NIPBL: variants seen among roughly 807,000 people sequenced by gnomAD.
NIPBL encodes nipped-B-like protein.
A neutral mutation model predicts 321.8 loss-of-function variants in NIPBL; 19 were observed. The observed-to-expected ratio is 0.06, with a 90% CI of 0.04 to 0.09. The LOEUF (loss-of-function observed/expected upper bound fraction) is 0.09. NIPBL is among the 10% of genes least tolerant of loss of function. NIPBL has a pLI of 1.00. For missense variants in NIPBL, 2,210 were observed against 3,327.0 expected (o/e 0.66, Z 8.26); for synonymous variants, 1,106 against 1,114.1 (o/e 0.99, Z 0.14).
chr5:37,061,726 A>G (rs1006139587), intron 45 of NIPBL, among the ~76,000 whole-genome samples: 11 of 152,204 alleles, frequency 7.2e-5, no homozygotes, highest in Non-Finnish European at 1.6e-4. Flanking sequence ...ACCTACATAC[A>G]TCCTCCCATA....
intron 1 of NIPBL, among the ~76,000 whole-genome samples, chr5:36,921,305 T>C (rs1026993727): frequency 2.6e-5 from 4 of 152,148 alleles, no homozygotes; most frequent in African/African-American, 9.7e-5. Context: ...TATGATGAAA[T>C]CTTAAAACTA....
intron 9 of NIPBL, among the ~76,000 whole-genome samples, chr5:36,984,280 C>A (rs1284934229): frequency 6.6e-6 from 1 of 151,734 alleles, no homozygotes; most frequent in Non-Finnish European, 1.5e-5. Flanking sequence ...TTAAAAGTAA[C>A]CTGAGTGAGA....
chr5:37,045,447 C>G lies in NIPBL; in HGVS notation c.6348C>G (p.Ala2116=), dbSNP rs1752876181. ...AATATTACTTATCTTTATTAGGTGC[C>G]ATTTCAAAATTAAAAAGTCAACACC... The part of the protein sequence containing the change: ...VWACFNRYYG[A]ISKLKSQHQE... Residue 2116 remains alanine (A), a synonymous_variant, in exon 37 of 47, where the codon GCC becomes GCG. Coordinates refer to ENST00000282516, the MANE Select transcript of NIPBL (RefSeq NM_133433.4). 1 of 1,603,786 alleles carries G rather than the reference C, an allele frequency of 6.2e-7. No homozygotes were observed. Among genetic ancestry groups the G allele is most frequent in the South Asian group, 1.1e-5 (1 of 90,526 alleles).
At chr5:36,898,019 C>T (rs370518436) in intron 1 of NIPBL, among the ~76,000 whole-genome samples, 7 of 151,398 alleles carry the variant, frequency 4.6e-5, no homozygotes, top group Non-Finnish European at 1.0e-4. Context: ...GAAAAAATAA[C>T]AGATTACAGT....
chr5:37,059,304 C>G lies in NIPBL; in HGVS notation c.7685+139C>G. Reference sequence around the variant, plus strand: ...GGCAGATCCCCTGAGGTCAGGAGTTCGAGACCAGCCTGGCCAACATGGTGA... The same window carrying G: ...GGCAGATCCCCTGAGGTCAGGAGTTGGAGACCAGCCTGGCCAACATGGTGA... On this transcript the variant is annotated intron_variant, in intron 44 of 46. Coordinates refer to ENST00000282516, the MANE Select transcript of NIPBL (RefSeq NM_133433.4). 5 of 817,942 alleles carry G rather than the reference C, an allele frequency of 6.1e-6. No individual in the cohort carries two copies. In the South Asian group the frequency reaches 7.8e-5, roughly 13 times the overall value. 50.7% of individuals were successfully genotyped at this position (817,942 alleles called of 1,614,324 possible). A position where few individuals can be genotyped will look rare whatever the true frequency, so the allele number is the denominator to read the frequency against.
Position 36,876,885 on chromosome 5 carries a change from G to A in NIPBL, c.-373G>A. 3 of 158,948 alleles carry A rather than the reference G, an allele frequency of 1.9e-5. No individual in the cohort carries two copies. Among genetic ancestry groups the A allele is most frequent in the East Asian group, 2.7e-4 (2 of 7,404 alleles). The allele number at this position is 158,948 out of a possible 1,614,324, so 9.8% of individuals were successfully genotyped here. A position where few individuals can be genotyped will look rare whatever the true frequency, so the allele number is the denominator to read the frequency against. Reference sequence around the variant, plus strand: ...ACTCACCCGACACCACCAAGCCGCAGGGAGGGACGCCCCCGCCGACAGGAG... The same window carrying A: ...ACTCACCCGACACCACCAAGCCGCAAGGAGGGACGCCCCCGCCGACAGGAG... On this transcript the variant is annotated 5_prime_UTR_variant, in exon 1 of 47. Transcript: ENST00000282516.
chr5:36,891,015 C>CA (rs1746289833), intron 1 of NIPBL, among the ~76,000 whole-genome samples: 1 of 152,134 alleles, frequency 6.6e-6, no homozygotes, highest in Admixed American at 6.5e-5. Context: ...CTTGTAATCC[C>CA]AGCACTTTGG....
rs769154623 is a variant in NIPBL at position 36,976,415 on chromosome 5, C to T, written c.1495+13C>T. Reference sequence around the variant, plus strand: ...GTTCAAGATAAAGGTAAAATAATCTCATTATTACCACTTCATCATCTGGGC... The same window carrying T: ...GTTCAAGATAAAGGTAAAATAATCTTATTATTACCACTTCATCATCTGGGC... On this transcript the variant is annotated intron_variant, in intron 9 of 46. Transcript: ENST00000282516. 1 of 1,600,866 alleles carries T rather than the reference C, an allele frequency of 6.2e-7. No individual in the cohort carries two copies. The highest frequency in any genetic ancestry group is 8.5e-7 in the Non-Finnish European group (1 of 1,179,276).
At chr5:36,920,581 C>T (rs1352781742) in intron 1 of NIPBL, among the ~76,000 whole-genome samples, 3 of 152,052 alleles carry the variant, frequency 2.0e-5, no homozygotes, top group African/African-American at 7.2e-5. Flanking sequence ...ATCAGACTTC[C>T]ACTTTCTGTT....
intron 32 of NIPBL, among the ~76,000 whole-genome samples, chr5:37,030,381 A>C (rs1002990298): frequency 6.6e-6 from 1 of 151,732 alleles, no homozygotes; most frequent in East Asian, 1.9e-4. Context: ...GCAAACTCAT[A>C]TATATATATA....
At chr5:36,944,751 A>G (rs1441184252) in intron 1 of NIPBL, among the ~76,000 whole-genome samples, 1 of 152,062 alleles carries the variant, frequency 6.6e-6, no homozygotes, top group Admixed American at 6.5e-5. Context: ...AAAAAAAACC[A>G]AAGCTGAATT....
intron 4 of NIPBL, 50 bp from the exon 5 acceptor site, chr5:36,961,434 A>G: frequency 9.5e-7 from 1 of 1,048,218 alleles, no homozygotes; most frequent in South Asian, 1.3e-5. Flanking sequence ...TTTAAAGGAC[A>G]CTTTACTGTT....
At chr5:36,964,373 A>G (rs1741975516) in intron 6 of NIPBL, among the ~76,000 whole-genome samples, 1 of 152,152 alleles carries the variant, frequency 6.6e-6, no homozygotes, top group Admixed American at 6.6e-5. Flanking sequence ...TAGTAACCAA[A>G]TCAGCTTGAT....
chr5:37,034,136 G>A (rs1165064018), intron 32 of NIPBL, among the ~76,000 whole-genome samples: 1 of 152,050 alleles, frequency 6.6e-6, no homozygotes, highest in Non-Finnish European at 1.5e-5. Context: ...GACCTATACT[G>A]TGTTCAACCC....
At chr5:37,006,295 A>G (rs1352937714) in intron 16 of NIPBL, 62 bp from the exon 17 acceptor site, 2 of 892,368 alleles carry the variant, frequency 2.2e-6, no homozygotes, top group Non-Finnish European at 3.7e-6. Flanking sequence ...TCATAATTTT[A>G]ATGTATATTT....
At chr5:36,939,672 G>A (rs903671933) in intron 1 of NIPBL, among the ~76,000 whole-genome samples, 2 of 152,204 alleles carry the variant, frequency 1.3e-5, no homozygotes, top group African/African-American at 4.8e-5. Context: ...TAGTTCTGGA[G>A]TCTGGAAAGT....
chr5:36,996,510 C>T lies in NIPBL; in HGVS notation c.3304+706C>T, dbSNP rs749430204. 3.7e-5 allele frequency: 17 copies of T among 456,650 alleles called. No homozygotes were observed. The highest frequency in any genetic ancestry group is 2.6e-4 in the South Asian group (17 of 64,560). 28.3% of individuals were successfully genotyped at this position (456,650 alleles called of 1,614,324 possible). The stretch of plus-strand genomic sequence containing the variant: ...ACTACACAGCTACCTCTCTACAACA[C>T]TGTGATCACCTGTCTTTGCACTAGA... On this transcript the variant is annotated intron_variant, in intron 11 of 46. Transcript: ENST00000282516. The surrounding 1 kb of genome is among the most constrained non-coding windows in gnomAD (Gnocchi z 5.0).
chr5:37,058,245 T>A (rs1427764704), intron 43 of NIPBL, among the ~76,000 whole-genome samples: 3 of 152,184 alleles, frequency 2.0e-5, no homozygotes, highest in Non-Finnish European at 2.9e-5. Context: ...AGTTAATAAT[T>A]TCCCAGGAGC....
chr5:37,021,192 G>A (rs13183090), intron 27 of NIPBL, among the ~76,000 whole-genome samples: 3 of 151,832 alleles, frequency 2.0e-5, no homozygotes, highest in East Asian at 1.9e-4. Flanking sequence ...CCAGCTACTC[G>A]GGAGGCTGAG....
Sources: gnomAD v4.1 joint callset for allele counts (sites outside exome capture counted in the v4.1 genomes callset) on GRCh38, gnomAD v4.1.1 for gene constraint, Gnocchi (gnomAD v3.1) non-coding constraint, MANE v1.5 for transcripts, NCBI Gene and HGNC (gene_info 2026-07-23, HGNC 2026-07-21) for gene names.